MYRIP: variants seen among roughly 807,000 people sequenced by gnomAD.
MYRIP encodes the protein rab effector MyRIP.
MYRIP carries 49 observed loss-of-function variants against 98.0 expected under a neutral mutation model. The observed-to-expected ratio is 0.50, with a 90% confidence interval of 0.40 to 0.63. MYRIP has a LOEUF of 0.63. Among genes scored for constraint, MYRIP ranks in the 30% least tolerant of loss-of-function variants. The pLI, the probability that MYRIP is intolerant of heterozygous loss-of-function variation, is 0.00. For synonymous variants in MYRIP, 404 were observed against 409.5 expected (o/e 0.99, Z 0.16); for missense variants, 1,004 against 1,058.2 (o/e 0.95, Z 0.71).
chr3:40,103,240 C>G (rs1948984046), intron 3 of MYRIP, among the ~76,000 whole-genome samples: 1 of 152,126 alleles, frequency 6.6e-6, no homozygotes, highest in South Asian at 2.1e-4. Flanking sequence ...TTCTACCCTC[C>G]TCCCTGCATG....
intron 1 of MYRIP, among the ~76,000 whole-genome samples, chr3:39,815,776 T>G (rs1940882871): frequency 6.6e-6 from 1 of 152,208 alleles, no homozygotes; most frequent in East Asian, 1.9e-4. Context: ...CAGTCTGGTA[T>G]GACTTTGATA....
intron 2 of MYRIP, among the ~76,000 whole-genome samples, chr3:39,988,313 TA>T (rs59720924): frequency 0.21 from 30,325 of 147,272 alleles, 6,034 homozygotes; most frequent in African/African-American, 0.52. Flanking sequence ...AGTATAATGA[TA>T]AAAAAAAAAA....
chr3:39,816,238 C>T (rs901320811), intron 1 of MYRIP, among the ~76,000 whole-genome samples: 8 of 152,128 alleles, frequency 5.3e-5, no homozygotes, highest in East Asian at 3.9e-4. Context: ...CCGGCCACCA[C>T]GCCCAGCTAA....
intron 1 of MYRIP, among the ~76,000 whole-genome samples, chr3:39,852,804 G>A (rs1183594720): frequency 3.3e-5 from 5 of 151,686 alleles, no homozygotes; most frequent in Admixed American, 6.6e-5. Flanking sequence ...CTCTTCTCGA[G>A]ATAGTCTCAC....
chr3:39,837,547 A>G (rs1478330816), intron 1 of MYRIP, among the ~76,000 whole-genome samples: 1 of 152,084 alleles, frequency 6.6e-6, no homozygotes, highest in Non-Finnish European at 1.5e-5. Context: ...ATTATTTCTG[A>G]GGCCTCTGTT....
At chr3:40,007,554 T>C (rs1946661308) in intron 2 of MYRIP, among the ~76,000 whole-genome samples, 3 of 152,322 alleles carry the variant, frequency 2.0e-5, no homozygotes, top group South Asian at 4.1e-4. Context: ...TTAACCTCCA[T>C]GAACCTCAGT....
chr3:40,060,827 A>T (rs1405548438), intron 3 of MYRIP, among the ~76,000 whole-genome samples: 2 of 152,142 alleles, frequency 1.3e-5, no homozygotes, highest in Non-Finnish European at 2.9e-5. Context: ...TCCTGATATC[A>T]GGCGATCCAC....
At chr3:39,983,547 A>G (rs377026874) in intron 2 of MYRIP, among the ~76,000 whole-genome samples, 3 of 152,094 alleles carry the variant, frequency 2.0e-5, no homozygotes, top group Admixed American at 6.5e-5. Flanking sequence ...GATCTATTCT[A>G]TTTACTTATT....
At chr3:39,927,836 C>A (rs772611219) in intron 2 of MYRIP, among the ~76,000 whole-genome samples, 8 of 151,926 alleles carry the variant, frequency 5.3e-5, no homozygotes, top group Non-Finnish European at 8.8e-5. Flanking sequence ...TTTAATTTAC[C>A]ACAATCAGGT....
intron 3 of MYRIP, among the ~76,000 whole-genome samples, chr3:40,106,833 G>A (rs1459199907): frequency 6.6e-6 from 1 of 151,656 alleles, no homozygotes; most frequent in African/African-American, 2.4e-5. Flanking sequence ...CCTGAATTTT[G>A]TTTCATCTGA....
intron 12 of MYRIP, among the ~76,000 whole-genome samples, chr3:40,236,940 C>T (rs776873446): frequency 6.6e-6 from 1 of 152,096 alleles, no homozygotes; most frequent in Non-Finnish European, 1.5e-5. Flanking sequence ...TGGCCTCCCA[C>T]AGGGCTGGGA....
rs1000361699 is a variant in MYRIP at position 39,866,894 on chromosome 3, AAGTT to A, written c.-30-33890_-30-33887del. Among the ~76,000 whole-genome samples, 116 of 152,272 alleles carry A rather than the reference AAGTT, an allele frequency of 7.6e-4. 1 individual carries two copies. Among genetic ancestry groups the A allele is most frequent in the African/African-American group, 2.7e-3 (112 of 41,560 alleles). On this transcript the variant is annotated intron_variant, in intron 1 of 16. Transcript: ENST00000302541. ...AAGGCAATTTTGAACAAAAAGAACA[AAGTT>A]AGAGGCATCATACTTCCTGATTTCA...
chr3:39,854,439 A>AT (rs1417150435), intron 1 of MYRIP, among the ~76,000 whole-genome samples: 1 of 151,898 alleles, frequency 6.6e-6, no homozygotes, highest in African/African-American at 2.4e-5. Flanking sequence ...TATTGTTGAC[A>AT]TTTTTCAGTG....
In MYRIP at chr3:39,809,720, C is replaced by G. The variant is rs1373180096; in HGVS notation, c.-227C>G. The G allele has an allele frequency of 6.6e-6, 1 of 152,098 alleles. No homozygotes were observed. The highest frequency in any genetic ancestry group is 6.5e-5 in the Admixed American group (1 of 15,284). 9.4% of individuals were successfully genotyped at this position (152,098 alleles called of 1,614,324 possible). ...CCGGGTTCCCGCTGCGGCTGCGGTT[C>G]TGGCAGCCGAGCCCCCGCGGTGCTG... On this transcript the variant is annotated 5_prime_UTR_variant, in exon 1 of 17. Coordinates refer to ENST00000302541, the MANE Select transcript of MYRIP (RefSeq NM_015460.4).
rs1018414905 is a variant in MYRIP at position 40,154,881 on chromosome 3, G to A, written c.469+3697G>A. Among the ~76,000 whole-genome samples, 13 of 151,996 alleles carry A rather than the reference G, an allele frequency of 8.6e-5. 1 individual carries two copies. On this transcript the variant is annotated intron_variant, in intron 4 of 16. Coordinates refer to ENST00000302541, the MANE Select transcript of MYRIP (RefSeq NM_015460.4). Reference sequence around the variant, plus strand: ...CCATTATTAATATACTTAATCTTCAGACAATTGGATAAATAATATATGCTT... The same window carrying A: ...CCATTATTAATATACTTAATCTTCAAACAATTGGATAAATAATATATGCTT...
At chr3:39,837,428 A>C (rs1179469620) in intron 1 of MYRIP, among the ~76,000 whole-genome samples, 5 of 152,132 alleles carry the variant, frequency 3.3e-5, no homozygotes, top group African/African-American at 1.2e-4. Flanking sequence ...TCAGTTTTCT[A>C]TATATGGCTC....
intron 2 of MYRIP, among the ~76,000 whole-genome samples, chr3:39,925,277 CTT>C (rs886815173): frequency 2.0e-5 from 3 of 151,984 alleles, no homozygotes; most frequent in Admixed American, 2.0e-4. Flanking sequence ...TCAATATAGA[CTT>C]TGTCTACATC....
chr3:40,229,156 A>G (rs1251722891), intron 11 of MYRIP, among the ~76,000 whole-genome samples: 1 of 152,198 alleles, frequency 6.6e-6, no homozygotes, highest in African/African-American at 2.4e-5. Context: ...CTACAGGCTC[A>G]GCTCTCCCCT....
chr3:40,186,009 C>T lies in MYRIP; in HGVS notation c.1027+3636C>T, dbSNP rs569676524. ...GACGTGGCTCTGCCCTCAAGGAGCC[C>T]ATGATCAGGATTGAGGGGTAGGGTA... On this transcript the variant is annotated intron_variant, in intron 9 of 16. Transcript: ENST00000302541. Among the ~76,000 whole-genome samples, 39 of 152,188 alleles carry T rather than the reference C, an allele frequency of 2.6e-4. No individual in the cohort carries two copies. The South Asian group carries it at 7.5e-3, about 29-fold the overall frequency.
Sources: gnomAD v4.1 joint callset for allele counts (sites outside exome capture counted in the v4.1 genomes callset) on GRCh38, gnomAD v4.1.1 for gene constraint, MANE v1.5 for transcripts, NCBI Gene and HGNC (gene_info 2026-07-23, HGNC 2026-07-21) for gene names.